The following GREB1L variants were observed in gnomAD, a reference collection of about 807,000 sequenced individuals.
The protein encoded by GREB1L is GREB1 like retinoic acid receptor coactivator, also known as GREB1-like protein.
In GREB1L, 17 loss-of-function variants were observed where a neutral mutation model predicts 200.8. The observed-to-expected ratio is 0.08, with a 90% confidence interval of 0.06 to 0.13. GREB1L has a LOEUF of 0.13. Among genes scored for constraint, GREB1L ranks in the 10% least tolerant of loss-of-function variants. The probability of loss-of-function intolerance (pLI) is 1.00; values close to 1 mark genes in which losing one functional copy is unlikely to be tolerated. For missense variants in GREB1L, 1,657 were observed against 2,367.7 expected (o/e 0.70, Z 6.23); for synonymous variants, 789 against 893.0 (o/e 0.88, Z 2.08).
intron 23 of GREB1L, among the ~76,000 whole-genome samples, chr18:21,501,714 T>A (rs978390582): frequency 6.6e-6 from 1 of 152,350 alleles, no homozygotes; most frequent in East Asian, 1.9e-4. Context: ...TAGTCCTTTG[T>A]TGATTGGTCA....
intron 1 of GREB1L, among the ~76,000 whole-genome samples, chr18:21,258,691 CAGAGGTGAAGGG>C (rs1598610620): frequency 6.6e-6 from 1 of 152,190 alleles, no homozygotes; most frequent in East Asian, 1.9e-4. Flanking sequence ...AATTCTGTGG[CAGAGGTGAAGGG>C]AGATACATTT....
At chr18:21,397,666 A>T (rs2041141296) in intron 5 of GREB1L, among the ~76,000 whole-genome samples, 1 of 152,150 alleles carries the variant, frequency 6.6e-6, no homozygotes, top group Admixed American at 6.5e-5. Context: ...GCGCCCCTGC[A>T]CTCTAGGCTG....
At chr18:21,264,625 G>A (rs1395318206) in intron 1 of GREB1L, among the ~76,000 whole-genome samples, 1 of 152,076 alleles carries the variant, frequency 6.6e-6, no homozygotes, top group Admixed American at 6.5e-5. Flanking sequence ...TAGTTCAGGG[G>A]ACTAGTTCGA....
At chr18:21,450,211 A>G (rs2034452128) in intron 12 of GREB1L, among the ~76,000 whole-genome samples, 1 of 152,132 alleles carries the variant, frequency 6.6e-6, no homozygotes, top group African/African-American at 2.4e-5. Flanking sequence ...AAATTAGCTC[A>G]TATATTCCCC....
At chr18:21,418,510 A>G (rs899936723) in intron 7 of GREB1L, among the ~76,000 whole-genome samples, 26 of 151,836 alleles carry the variant, frequency 1.7e-4, no homozygotes, top group Admixed American at 8.5e-4. Context: ...GTTTTTTAAA[A>G]AAATATTTTT....
chr18:21,388,984 TC>T (rs923037943), intron 4 of GREB1L, among the ~76,000 whole-genome samples: 3 of 152,084 alleles, frequency 2.0e-5, no homozygotes, highest in African/African-American at 7.2e-5. Flanking sequence ...TTGACCTTGG[TC>T]ACCTGGCTGA....
At chr18:21,332,611 A>G (rs1437869159) in intron 1 of GREB1L, among the ~76,000 whole-genome samples, 1 of 152,102 alleles carries the variant, frequency 6.6e-6, no homozygotes, top group East Asian at 1.9e-4. Flanking sequence ...AGTAGCTGAG[A>G]TTACAGGTGC....
chr18:21,425,931 G>A (rs935807906), intron 7 of GREB1L, among the ~76,000 whole-genome samples: 3 of 151,960 alleles, frequency 2.0e-5, no homozygotes, highest in Non-Finnish European at 4.4e-5. Flanking sequence ...TGTGTTTTCG[G>A]TGTTATAGCT....
chr18:21,516,208 C>T (rs1379004541), intron 29 of GREB1L, among the ~76,000 whole-genome samples: 1 of 152,136 alleles, frequency 6.6e-6, no homozygotes, highest in Non-Finnish European at 1.5e-5. Context: ...CCATAAAGTC[C>T]TTATGCCAAA....
intron 7 of GREB1L, among the ~76,000 whole-genome samples, chr18:21,412,425 A>AAT (rs1004324238): frequency 5.3e-5 from 8 of 152,192 alleles, no homozygotes; most frequent in African/African-American, 1.2e-4. Context: ...AACAACAACA[A>AAT]ATATATATAT....
At chr18:21,347,077 C>A (rs557343642) in intron 1 of GREB1L, among the ~76,000 whole-genome samples, 3 of 151,908 alleles carry the variant, frequency 2.0e-5, no homozygotes, top group Non-Finnish European at 4.4e-5. Context: ...TGTCTACCAC[C>A]GATCAGCCTG....
intron 1 of GREB1L, among the ~76,000 whole-genome samples, chr18:21,342,484 C>CT (rs944929066): frequency 6.6e-6 from 1 of 152,066 alleles, no homozygotes; most frequent in Non-Finnish European, 1.5e-5. Flanking sequence ...TCTTTTGTTG[C>CT]TTTAAGCTAA....
At chr18:21,424,163 A>G (rs1057201132) in intron 7 of GREB1L, among the ~76,000 whole-genome samples, 2 of 152,298 alleles carry the variant, frequency 1.3e-5, no homozygotes, top group East Asian at 1.9e-4. Flanking sequence ...GCTTACTACA[A>G]TGTTTTTCTC....
At chr18:21,314,534 C>A (rs1210981635) in intron 1 of GREB1L, among the ~76,000 whole-genome samples, 1 of 152,118 alleles carries the variant, frequency 6.6e-6, no homozygotes, top group Non-Finnish European at 1.5e-5. Context: ...AAAACAAGGC[C>A]AGGGCATCTG....
intron 1 of GREB1L, among the ~76,000 whole-genome samples, chr18:21,298,865 T>C (rs960611153): frequency 2.0e-5 from 3 of 147,794 alleles, no homozygotes; most frequent in African/African-American, 7.5e-5. Context: ...GTCTGGGAGG[T>C]TGAGGCTGCA....
chr18:21,243,416 A>T (rs192434555), intron 1 of GREB1L, among the ~76,000 whole-genome samples: 117 of 151,546 alleles, frequency 7.7e-4, no homozygotes, highest in South Asian at 2.3e-3. Context: ...CTCCCCACCC[A>T]CTCCTCTGGC....
intron 1 of GREB1L, among the ~76,000 whole-genome samples, chr18:21,352,053 G>T (rs2039441522): frequency 6.6e-6 from 1 of 151,484 alleles, no homozygotes; most frequent in South Asian, 2.1e-4. Flanking sequence ...TCACCATGTT[G>T]GCCAGGCTGG....
intron 1 of GREB1L, among the ~76,000 whole-genome samples, chr18:21,323,677 T>C (rs951767494): frequency 3.3e-5 from 5 of 152,110 alleles, no homozygotes; most frequent in African/African-American, 4.8e-5. Context: ...GAGGCTGTTG[T>C]GCACTATGAT....
chr18:21,346,166 G>A (rs749289941), intron 1 of GREB1L, among the ~76,000 whole-genome samples: 9 of 152,096 alleles, frequency 5.9e-5, no homozygotes, highest in African/African-American at 9.7e-5. Flanking sequence ...TTACTTCGCC[G>A]TGTCATCAAT....
Sources: allele counts gnomAD v4.1 joint callset (sites outside exome capture counted in the v4.1 genomes callset), GRCh38; gene constraint gnomAD v4.1.1; transcripts MANE v1.5; gene names NCBI Gene and HGNC (gene_info 2026-07-23, HGNC 2026-07-21).